Variants in SEMA3E observed in about 807,000 individuals in gnomAD.
The protein encoded by SEMA3E is semaphorin 3E.
Under a neutral mutation model 93.6 loss-of-function variants are expected in SEMA3E, and 49 were observed. The observed-to-expected ratio is 0.52, with a 90% CI of 0.42 to 0.66. SEMA3E has a LOEUF of 0.66. Among genes scored for constraint, SEMA3E ranks in the 30% least tolerant of loss-of-function variants. The pLI is 0.00. For missense variants in SEMA3E, 906 were observed against 964.8 expected (o/e 0.94, Z 0.81); for synonymous variants, 363 against 330.7 (o/e 1.10, Z -1.06).
intron 4 of SEMA3E, among the ~76,000 whole-genome samples, chr7:83,436,153 G>C (rs970679510): frequency 4.6e-5 from 7 of 151,736 alleles, no homozygotes; most frequent in African/African-American, 1.7e-4. Flanking sequence ...TAGGCATTAT[G>C]TTTTATAGTA....
intron 2 of SEMA3E, among the ~76,000 whole-genome samples, chr7:83,470,787 A>G (rs1789873817): frequency 6.6e-6 from 1 of 151,904 alleles, no homozygotes; most frequent in Non-Finnish European, 1.5e-5. Context: ...GAGTTCCCTC[A>G]ATAGTCCTAT....
intron 2 of SEMA3E, among the ~76,000 whole-genome samples, chr7:83,482,509 G>A (rs1185839066): frequency 7.1e-6 from 1 of 141,156 alleles, no homozygotes; most frequent in African/African-American, 2.7e-5. Context: ...AGCTTGTAGT[G>A]AGCCGAGATT....
At chr7:83,395,100 A>G (rs961582631) in intron 12 of SEMA3E, among the ~76,000 whole-genome samples, 11 of 152,154 alleles carry the variant, frequency 7.2e-5, no homozygotes, top group Non-Finnish European at 1.5e-4. Context: ...TTTACTTTAA[A>G]CTACAGAATC....
At chr7:83,402,959 T>C (rs1788259834) in intron 9 of SEMA3E, among the ~76,000 whole-genome samples, 183 bp from the exon 10 acceptor site, 1 of 151,954 alleles carries the variant, frequency 6.6e-6, no homozygotes, top group Non-Finnish European at 1.5e-5. Context: ...CTCTGAAACT[T>C]ACCATTTTCT....
At chr7:83,548,990 C>T (rs1443801636) in intron 1 of SEMA3E, among the ~76,000 whole-genome samples, 2 of 152,028 alleles carry the variant, frequency 1.3e-5, no homozygotes, top group Admixed American at 1.3e-4. Context: ...ACAACATATG[C>T]TCCAAAGACA....
At chr7:83,546,017 A>G (rs1791643777) in intron 1 of SEMA3E, among the ~76,000 whole-genome samples, 2 of 146,828 alleles carry the variant, frequency 1.4e-5, no homozygotes, top group Admixed American at 6.9e-5. Context: ...AAAATATTAT[A>G]TATTATATTT....
rs140926135 is a variant in SEMA3E, at chr7:83,520,476, A to T, written c.116-30202T>A. On this transcript the variant is annotated intron_variant, in intron 1 of 16. Coordinates refer to ENST00000643230, the MANE Select transcript of SEMA3E (RefSeq NM_012431.3). ...TCCAACACCCTCTGCCTCTACTACC[A>T]CTGCTACTTCACCAGTGGGAAATTG... Among the ~76,000 whole-genome samples the T allele has an allele frequency of 1.7e-3, 261 of 152,218 alleles. 1 individual carries two copies. Among genetic ancestry groups the T allele is most frequent in the South Asian group, 6.4e-3 (31 of 4,820 alleles).
intron 16 of SEMA3E, chr7:83,372,667 A>G (rs1263989115): frequency 1.3e-5 from 2 of 159,144 alleles, no homozygotes; most frequent in East Asian, 3.5e-4. Flanking sequence ...ATTGTCCTAC[A>G]TTGTTTATTT....
At position 83,404,738 on chromosome 7, in the gene SEMA3E, G is replaced by T. The variant is rs186366070; in HGVS notation, c.998+712C>A. ...AAAAGATAGAGAGCAAATGATGAAC[G>T]TGTTCACTATGAATCAACGTAAGAG... On this transcript the variant is annotated intron_variant, in intron 9 of 16. Transcript: ENST00000643230. Among the ~76,000 whole-genome samples the T allele has an allele frequency of 3.9e-5, 6 of 152,046 alleles. No individual in the cohort carries two copies. The East Asian group carries it at 9.7e-4, about 25-fold the overall frequency.
chr7:83,636,705 T>C (rs1477797289), intron 1 of SEMA3E, among the ~76,000 whole-genome samples: 1 of 152,014 alleles, frequency 6.6e-6, no homozygotes, highest in African/African-American at 2.4e-5. Flanking sequence ...GTGTGTGTGG[T>C]AGAGTCATGT....
At chr7:83,494,905 G>A (rs1482815332) in intron 1 of SEMA3E, among the ~76,000 whole-genome samples, 1 of 151,952 alleles carries the variant, frequency 6.6e-6, no homozygotes, top group Non-Finnish European at 1.5e-5. Context: ...CATCTAGATT[G>A]AATGTGTTGT....
At chr7:83,461,182 T>C (rs1562792425) in intron 4 of SEMA3E, among the ~76,000 whole-genome samples, 1 of 152,134 alleles carries the variant, frequency 6.6e-6, no homozygotes, top group African/African-American at 2.4e-5. Context: ...AGACATTCTT[T>C]TACACATCAG....
chr7:83,500,843 G>A (rs1482476995), intron 1 of SEMA3E, among the ~76,000 whole-genome samples: 4 of 151,790 alleles, frequency 2.6e-5, no homozygotes, highest in Non-Finnish European at 5.9e-5. Flanking sequence ...CACCTGCCTC[G>A]CCCTCCCAAA....
chr7:83,460,110 C>T (rs1482586316), intron 4 of SEMA3E, among the ~76,000 whole-genome samples: 2 of 152,154 alleles, frequency 1.3e-5, no homozygotes, highest in Non-Finnish European at 2.9e-5. Flanking sequence ...TTCACACGGA[C>T]GTGCATGAAA....
chr7:83,505,949 A>G (rs1790695116), intron 1 of SEMA3E, among the ~76,000 whole-genome samples: 2 of 146,904 alleles, frequency 1.4e-5, no homozygotes, highest in Middle Eastern at 3.8e-3. Context: ...TGGGAAGCGG[A>G]GCTTGCAATG....
chr7:83,466,397 T>C (rs1789756055), intron 4 of SEMA3E, 85 bp downstream of exon 4: 1 of 1,491,200 alleles, frequency 6.7e-7, no homozygotes, highest in African/African-American at 1.4e-5. Context: ...TTATCTTTCT[T>C]GGGAAGAAAT....
intron 16 of SEMA3E, among the ~76,000 whole-genome samples, chr7:83,378,890 T>C (rs975353499): frequency 6.6e-6 from 1 of 151,788 alleles, no homozygotes; most frequent in African/African-American, 2.4e-5. Flanking sequence ...GCAACCCCAC[T>C]ACTAGGAATA....
intron 4 of SEMA3E, among the ~76,000 whole-genome samples, chr7:83,421,884 A>G (rs1788674427): frequency 6.6e-6 from 1 of 152,148 alleles, no homozygotes; most frequent in African/African-American, 2.4e-5. Context: ...TTGGATTTAA[A>G]ACATAGCCTA....
chr7:83,431,358 A>T (rs980575072), intron 4 of SEMA3E, among the ~76,000 whole-genome samples: 7 of 152,046 alleles, frequency 4.6e-5, no homozygotes, highest in African/African-American at 1.7e-4. Flanking sequence ...GAAAAAAATA[A>T]ATATAAATTA....
Sources: gnomAD v4.1 joint callset for allele counts (sites outside exome capture counted in the v4.1 genomes callset) on GRCh38, gnomAD v4.1.1 for gene constraint, MANE v1.5 for transcripts, NCBI Gene and HGNC (gene_info 2026-07-23, HGNC 2026-07-21) for gene names.